The following PROM1 variants were observed in gnomAD, a reference collection of about 807,000 sequenced individuals.
PROM1 encodes prominin 1, also known as prominin-1.
A neutral mutation model predicts 116.9 loss-of-function variants in PROM1; 105 were observed. The ratio of observed to expected loss-of-function variants is 0.90; its 90% confidence interval spans 0.77 to 1.06. The LOEUF is 1.06. Ranked by LOEUF, PROM1 falls within the 50% of genes least tolerant of loss-of-function variation. PROM1 has a pLI of 0.00. For missense variants in PROM1, 1,122 were observed against 1,045.2 expected (o/e 1.07, Z -1.01); for synonymous variants, 393 against 387.0 (o/e 1.02, Z -0.18).
At position 15,993,087 on chromosome 4, in the gene PROM1, T is replaced by C. The variant is rs143263425; in HGVS notation, c.1768-696A>G. 5.9e-3 allele frequency among the ~76,000 whole-genome samples: 894 copies of C among 152,328 alleles called. 12 individuals carry two copies. The highest frequency in any genetic ancestry group is 0.021 in the African/African-American group (857 of 41,564). On this transcript the variant is annotated intron_variant, in intron 16 of 27. Transcript: ENST00000447510. ...CAAAATTATGTCTGTTTAATGTATA[T>C]GTATGGACTATTTAGGGAAGATAAT... is the stretch of plus-strand genomic sequence containing the variant.
In PROM1 at chr4:16,056,778, G is replaced by A. The variant is rs186342747; in HGVS notation, c.221-17777C>T. Reference sequence around the variant, plus strand: ...AGCGTTTGGCATGTTCCAGGGAGTCGGCTGGCCTAGCTATTACAGGGGTTT... The same window carrying A: ...AGCGTTTGGCATGTTCCAGGGAGTCAGCTGGCCTAGCTATTACAGGGGTTT... On this transcript the variant is annotated intron_variant, in intron 2 of 27. Coordinates refer to ENST00000447510, the MANE Select transcript of PROM1 (RefSeq NM_006017.3). Among the ~76,000 whole-genome samples the A allele has an allele frequency of 1.7e-3, 261 of 152,274 alleles. 1 individual carries two copies. Among genetic ancestry groups the A allele is most frequent in the Middle Eastern group, 3.4e-3 (1 of 294 alleles).
Position 15,971,094 on chromosome 4 carries a change from A to G in PROM1, c.2583-12T>C. 1 of 1,557,438 alleles carries G rather than the reference A, an allele frequency of 6.4e-7. No homozygotes were observed. Among genetic ancestry groups the G allele is most frequent in the Non-Finnish European group, 8.7e-7 (1 of 1,152,760 alleles). On this transcript the variant is annotated splice_polypyrimidine_tract_variant and intron_variant, in intron 26 of 27. Transcript: ENST00000447510. ...AATGTTGTGATGGGCTAAAAAACAA[A>G]AAAATAAAGAAATATAATACCCCCA...
intron 16 of PROM1, among the ~76,000 whole-genome samples, chr4:15,992,767 GACAA>G (rs1220228796): frequency 2.0e-5 from 3 of 152,118 alleles, no homozygotes; most frequent in Non-Finnish European, 4.4e-5. Flanking sequence ...CTCCAGCTTT[GACAA>G]ACAGAGAAGC....
At chr4:16,042,000 G>C (rs946715725) in intron 2 of PROM1, among the ~76,000 whole-genome samples, 1 of 151,954 alleles carries the variant, frequency 6.6e-6, no homozygotes, top group South Asian at 2.1e-4. Context: ...TTTTTGTAGA[G>C]ATGGTGTCTC....
At chr4:16,065,787 A>AGCAG (rs1268473100) in intron 2 of PROM1, among the ~76,000 whole-genome samples, 1 of 152,282 alleles carries the variant, frequency 6.6e-6, no homozygotes, top group Non-Finnish European at 1.5e-5. Context: ...TAGCAGGAGT[A>AGCAG]GCAGGCTGAA....
intron 12 of PROM1, among the ~76,000 whole-genome samples, chr4:16,007,984 G>T (rs1015117709): frequency 6.6e-6 from 1 of 152,156 alleles, no homozygotes; most frequent in African/African-American, 2.4e-5. Flanking sequence ...CCCTGAGCCC[G>T]TCTCCTTGTC....
chr4:16,000,925 T>G (rs1723662957), intron 13 of PROM1, among the ~76,000 whole-genome samples: 1 of 150,928 alleles, frequency 6.6e-6, no homozygotes, highest in South Asian at 2.1e-4. Context: ...AAGGCGGGGA[T>G]GTACTGTATA....
chr4:16,022,592 A>G (rs1560507954), intron 8 of PROM1, among the ~76,000 whole-genome samples: 1 of 152,112 alleles, frequency 6.6e-6, no homozygotes. Flanking sequence ...CTATGTTCTC[A>G]GGGATGCTAG....
chr4:16,078,576 AT>A (rs544733557), intron 1 of PROM1, among the ~76,000 whole-genome samples: 131 of 152,346 alleles, frequency 8.6e-4, no homozygotes, highest in African/African-American at 3.1e-3. Flanking sequence ...TCCTCTCTGT[AT>A]TAAGTGTCCT....
chr4:16,021,042 T>C (rs1029139736), intron 8 of PROM1, among the ~76,000 whole-genome samples: 2 of 151,386 alleles, frequency 1.3e-5, no homozygotes, highest in Non-Finnish European at 2.9e-5. Flanking sequence ...AATAATTGCA[T>C]GTTTCTGCTC....
chr4:16,046,640 A>G (rs112022263), intron 2 of PROM1, among the ~76,000 whole-genome samples: 28 of 152,348 alleles, frequency 1.8e-4, no homozygotes, highest in Admixed American at 2.6e-4. Context: ...CAACCCTTAG[A>G]TATTTTATTT....
Position 15,991,117 on chromosome 4 carries a change from G to A in PROM1, c.1983+105C>T, listed in dbSNP as rs1720873279. The A allele has an allele frequency of 3.5e-6, 3 of 850,412 alleles. No homozygotes were observed. The South Asian group carries it at 5.0e-5, about 14-fold the overall frequency. The allele number at this position is 850,412 out of a possible 1,614,324, so 52.7% of individuals were successfully genotyped here. A position where few individuals can be genotyped will look rare whatever the true frequency, so the allele number is the denominator to read the frequency against. ...ACAAGAGAGGTGTTTATGAACAAGGGATTACTCACAGTGTGAGGAACCTCT... is the reference window on the plus strand; with the variant it reads ...ACAAGAGAGGTGTTTATGAACAAGGAATTACTCACAGTGTGAGGAACCTCT... On this transcript the variant is annotated intron_variant, in intron 18 of 27. Coordinates refer to ENST00000447510, the MANE Select transcript of PROM1 (RefSeq NM_006017.3).
At chr4:16,063,974 C>G (rs1176049237) in intron 2 of PROM1, among the ~76,000 whole-genome samples, 1 of 152,110 alleles carries the variant, frequency 6.6e-6, no homozygotes, top group African/African-American at 2.4e-5. Context: ...TCATTAGACT[C>G]TCCTCCTACT....
At chr4:16,012,140 G>T (rs1486935973) in intron 11 of PROM1, among the ~76,000 whole-genome samples, 1 of 152,120 alleles carries the variant, frequency 6.6e-6, no homozygotes. Context: ...GGGGTTACAG[G>T]GATGCACAAC....
At chr4:16,020,473 G>A (rs2677781) in intron 8 of PROM1, among the ~76,000 whole-genome samples, 136,766 of 152,122 alleles carry the variant, frequency 0.9, 61,793 homozygotes, top group Middle Eastern at 0.95. Flanking sequence ...CAGCAAAACA[G>A]AAAAGAACTC....
chr4:16,010,500 A>G (rs973662928), intron 11 of PROM1, among the ~76,000 whole-genome samples: 1 of 152,118 alleles, frequency 6.6e-6, no homozygotes, highest in Non-Finnish European at 1.5e-5. Context: ...AAAAATGGCA[A>G]GAAACTTTTT....
intron 2 of PROM1, among the ~76,000 whole-genome samples, chr4:16,048,150 A>C (rs1183321320): frequency 6.6e-6 from 1 of 152,146 alleles, no homozygotes; most frequent in Non-Finnish European, 1.5e-5. Context: ...AGTGAACACA[A>C]TCTGTCCACT....
intron 2 of PROM1, among the ~76,000 whole-genome samples, chr4:16,043,787 C>T (rs944180290): frequency 6.6e-6 from 1 of 152,214 alleles, no homozygotes; most frequent in South Asian, 2.1e-4. Context: ...TGCGCCTCTC[C>T]ATCCATTGCT....
chr4:15,987,438 T>C (rs1719720206), intron 20 of PROM1, among the ~76,000 whole-genome samples: 1 of 152,220 alleles, frequency 6.6e-6, no homozygotes, highest in Non-Finnish European at 1.5e-5. Flanking sequence ...CATCAAAACA[T>C]AGATTTCACC....
Sources: gnomAD v4.1 joint callset for allele counts (sites outside exome capture counted in the v4.1 genomes callset) on GRCh38, gnomAD v4.1.1 for gene constraint, MANE v1.5 for transcripts, NCBI Gene and HGNC (gene_info 2026-07-23, HGNC 2026-07-21) for gene names.